The following KLHL14 variants were observed in gnomAD, a reference collection of about 807,000 sequenced individuals.
KLHL14 encodes kelch-like protein 14.
Under a neutral mutation model 64.3 loss-of-function variants are expected in KLHL14, and 22 were observed. The ratio of observed to expected loss-of-function variants is 0.34; its 90% CI spans 0.24 to 0.49. The LOEUF is 0.49. Ranked by LOEUF, KLHL14 falls within the 20% of genes least tolerant of loss-of-function variation. KLHL14 has a pLI of 0.99. For synonymous variants in KLHL14, 322 were observed against 333.4 expected, an observed-to-expected ratio of 0.97 and a Z score of 0.37; for missense variants, 661 against 789.0, an observed-to-expected ratio of 0.84 and a Z score of 1.94.
chr18:32,736,598 C>G (rs1475066436), intron 3 of KLHL14, among the ~76,000 whole-genome samples: 1 of 152,002 alleles, frequency 6.6e-6, no homozygotes. Context: ...TTGATAATTC[C>G]TTGAAATAGT....
Position 32,680,190 on chromosome 18 carries a change from T to C in KLHL14, c.1567A>G (p.Ile523Val). Residue 523 changes from isoleucine to valine, a missense_variant, in exon 7 of 9, where the codon ATT (isoleucine) becomes GTT (valine). This residue lies in a region of KLHL14 where 330 missense variants were observed against 450.0 expected (regional missense o/e 0.73). Transcript: ENST00000359358. This position sits in a 1 kb window ranked among gnomAD's most constrained non-coding sequence, Gnocchi z 4.8. ...LAVMNDRLYA[I>V]GGNHLKGFSH... ...AGACCTTTCAAATGATTTCCTCCAA[T>C]TGCATACAAGCGATCATTCATTACA... The C allele has an allele frequency of 6.2e-7, 1 of 1,613,632 alleles. No individual in the cohort carries two copies. Among genetic ancestry groups the C allele is most frequent in the Non-Finnish European group, 8.5e-7 (1 of 1,179,730 alleles).
intron 5 of KLHL14, among the ~76,000 whole-genome samples, chr18:32,682,295 A>G (rs1598546177): frequency 6.6e-6 from 1 of 152,144 alleles, no homozygotes; most frequent in East Asian, 1.9e-4. Context: ...CTTTTTCTAG[A>G]TTTTCTTGAT....
intron 3 of KLHL14, among the ~76,000 whole-genome samples, chr18:32,711,682 C>A (rs77625873): frequency 5.3e-5 from 8 of 152,290 alleles, no homozygotes; most frequent in African/African-American, 1.9e-4. Flanking sequence ...GTAGCAAGGC[C>A]TAAATCCATT....
chr18:32,697,927 G>T (rs9952507), intron 3 of KLHL14, among the ~76,000 whole-genome samples: 1 of 151,836 alleles, frequency 6.6e-6, no homozygotes, highest in Non-Finnish European at 1.5e-5. Flanking sequence ...TATTTCTTGG[G>T]TGAGCATTTC....
intron 3 of KLHL14, among the ~76,000 whole-genome samples, chr18:32,730,940 A>C (rs1455739662): frequency 6.6e-6 from 1 of 152,182 alleles, no homozygotes; most frequent in African/African-American, 2.4e-5. Context: ...TGACAACCAG[A>C]CACAGAGGTA....
At chr18:32,753,264 T>A (rs2050265586) in intron 2 of KLHL14, among the ~76,000 whole-genome samples, 1 of 152,278 alleles carries the variant, frequency 6.6e-6, no homozygotes, top group South Asian at 2.1e-4. Context: ...GACTTTAATA[T>A]CTGAAGCTCT....
chr18:32,741,671 C>T (rs904670724), intron 3 of KLHL14, among the ~76,000 whole-genome samples: 3 of 152,152 alleles, frequency 2.0e-5, no homozygotes, highest in African/African-American at 4.8e-5. Context: ...CTCCCCCACA[C>T]CCTCCATTGC....
At chr18:32,759,683 T>G (rs1463035443) in intron 2 of KLHL14, among the ~76,000 whole-genome samples, 1 of 146,648 alleles carries the variant, frequency 6.8e-6, no homozygotes, top group African/African-American at 2.6e-5. Flanking sequence ...TTTTAAGATA[T>G]CTGCATTATA....
rs200815197 is a variant in KLHL14, at chr18:32,742,048, T to C, written c.949A>G (p.Ile317Val). 8.4e-5 allele frequency: 135 copies of C among 1,612,364 alleles called. No homozygotes were observed. Among genetic ancestry groups the C allele is most frequent in the Non-Finnish European group, 1.1e-4 (126 of 1,179,656 alleles). ...AACAGCATTTTCTTGTTAGAGCGAA[T>C]TCTTCACCCAAAACAAAAGAGGAGA... ...QHCRQSLASR[I>V]RSNKKMLLLV... The change falls in exon 3 of 9, where the codon ATT becomes GTT. Residue 317 changes from isoleucine to valine, a missense_variant and splice_region_variant. Physicochemically the swap from Ile to Val is conservative, Grantham distance 29. Coordinates refer to ENST00000359358, the MANE Select transcript of KLHL14 (RefSeq NM_020805.3).
chr18:32,724,490 G>A (rs1183809553), intron 3 of KLHL14, among the ~76,000 whole-genome samples: 1 of 152,124 alleles, frequency 6.6e-6, no homozygotes, highest in Non-Finnish European at 1.5e-5. Context: ...GCAGTGTTGG[G>A]TTTCAGAGGC....
intron 3 of KLHL14, among the ~76,000 whole-genome samples, chr18:32,741,564 G>C (rs1014758447): frequency 5.3e-5 from 8 of 152,196 alleles, no homozygotes; most frequent in African/African-American, 1.9e-4. Flanking sequence ...ATTTTGATGT[G>C]AGAAAATTTA....
At position 32,759,238 on chromosome 18, in the gene KLHL14, G is replaced by A. The variant is rs1014989198; in HGVS notation, c.947+10407C>T. Among the ~76,000 whole-genome samples the A allele has an allele frequency of 2.2e-4, 34 of 152,218 alleles. 1 individual carries two copies. Among genetic ancestry groups the A allele is most frequent in the Middle Eastern group, 3.4e-3 (1 of 294 alleles). On this transcript the variant is annotated intron_variant, in intron 2 of 8. Transcript: ENST00000359358. The stretch of plus-strand genomic sequence containing the variant: ...GGGATCTATATATCACTCAAAGGTG[G>A]ATAAAATGAACATCCACTTAACATG...
chr18:32,771,061 C>T (rs1353799013), intron 1 of KLHL14: 4 of 290,896 alleles, frequency 1.4e-5, no homozygotes, highest in Non-Finnish European at 2.9e-5. Flanking sequence ...AAGTGGGGAG[C>T]CGGGGGTGCC....
chr18:32,719,811 G>A (rs2050067312), intron 3 of KLHL14, among the ~76,000 whole-genome samples: 1 of 152,208 alleles, frequency 6.6e-6, no homozygotes, highest in Non-Finnish European at 1.5e-5. Flanking sequence ...GAGATAGCAA[G>A]CATTTGTCAG....
chr18:32,684,302 G>A (rs2049859445), intron 5 of KLHL14, among the ~76,000 whole-genome samples: 1 of 152,186 alleles, frequency 6.6e-6, no homozygotes, highest in African/African-American at 2.4e-5. Flanking sequence ...TCATGGTTGA[G>A]TGAGTCTGAA....
chr18:32,682,742 A>G (rs1168431455), intron 5 of KLHL14, among the ~76,000 whole-genome samples: 2 of 152,198 alleles, frequency 1.3e-5, no homozygotes, highest in Non-Finnish European at 2.9e-5. Context: ...AAGTTATTCT[A>G]CTAGTACATT....
At chr18:32,762,074 T>C (rs534796406) in intron 2 of KLHL14, among the ~76,000 whole-genome samples, 35 of 152,108 alleles carry the variant, frequency 2.3e-4, no homozygotes, top group Non-Finnish European at 4.1e-4. Context: ...ACTACTGCAT[T>C]ACCTAGCACA....
intron 2 of KLHL14, chr18:32,743,976 T>C (rs886497794): frequency 6.6e-6 from 1 of 152,136 alleles, no homozygotes; most frequent in Non-Finnish European, 1.5e-5. Flanking sequence ...CAAATGACCA[T>C]GTGTAGACAG....
intron 2 of KLHL14, chr18:32,745,329 C>T (rs2050219040): frequency 6.6e-6 from 1 of 152,108 alleles, no homozygotes; most frequent in African/African-American, 2.4e-5. Flanking sequence ...CAAATTGAAA[C>T]CCAAAATAGG....
Sources: allele counts gnomAD v4.1 joint callset (sites outside exome capture counted in the v4.1 genomes callset), GRCh38; gene constraint gnomAD v4.1.1; regional missense constraint gnomAD v4.1.1; non-coding constraint Gnocchi (gnomAD v3.1); transcripts MANE v1.5; gene names NCBI Gene and HGNC (gene_info 2026-07-23, HGNC 2026-07-21).